Variants in TCF7L1 observed in about 807,000 individuals in gnomAD.
TCF7L1 encodes transcription factor 7 like 1.
A neutral mutation model predicts 63.7 loss-of-function variants in TCF7L1; 18 were observed. The observed-to-expected ratio is 0.28, with a 90% confidence interval of 0.20 to 0.42. The LOEUF is 0.42. Ranked by LOEUF, TCF7L1 falls within the 10% of genes least tolerant of loss-of-function variation. The pLI is 1.00. For missense variants in TCF7L1, 654 were observed against 779.3 expected, an observed-to-expected ratio of 0.84 and a Z score of 1.91; for synonymous variants, 355 against 340.9, an observed-to-expected ratio of 1.04 and a Z score of -0.46.
intron 3 of TCF7L1, chr2:85,205,039 A>T (rs1489413789): frequency 6.6e-6 from 1 of 152,152 alleles, no homozygotes; most frequent in Non-Finnish European, 1.5e-5. Context: ...TTTAAACAAC[A>T]TATTTAGAGA....
intron 3 of TCF7L1, among the ~76,000 whole-genome samples, chr2:85,163,466 G>T (rs886282327): frequency 2.6e-5 from 4 of 152,014 alleles, no homozygotes. Flanking sequence ...CCTCCTGCCC[G>T]ACCAGAAGCA....
intron 5 of TCF7L1, 83 bp downstream of exon 5, chr2:85,302,699 G>T: frequency 6.6e-7 from 1 of 1,507,068 alleles, no homozygotes; most frequent in Non-Finnish European, 8.9e-7. Flanking sequence ...CTTGAATCAG[G>T]CTGACCTGGG....
intron 3 of TCF7L1, among the ~76,000 whole-genome samples, chr2:85,170,429 C>T (rs565899910): frequency 1.3e-5 from 2 of 152,264 alleles, no homozygotes; most frequent in Admixed American, 6.5e-5. Context: ...AATAGCTATG[C>T]TCAGGGTTTG....
intron 3 of TCF7L1, among the ~76,000 whole-genome samples, chr2:85,202,103 C>T (rs1679284819): frequency 6.6e-6 from 1 of 152,090 alleles, no homozygotes; most frequent in Non-Finnish European, 1.5e-5. Context: ...GCTGGGACTA[C>T]AGGCACATGT....
chr2:85,226,999 T>TG (rs1679971303), intron 3 of TCF7L1, among the ~76,000 whole-genome samples: 1 of 152,104 alleles, frequency 6.6e-6, no homozygotes. Flanking sequence ...CCTGTGACCC[T>TG]GCAGGATGGG....
rs1468817674 is a variant in TCF7L1, at chr2:85,309,587, T to TAAC, written c.*130_*132dup. 5.4e-6 allele frequency: 5 copies of TAAC among 930,662 alleles called. No homozygotes were observed. The highest frequency in any genetic ancestry group is 7.5e-6 in the Non-Finnish European group (5 of 663,924). 57.7% of individuals were successfully genotyped at this position (930,662 alleles called of 1,614,324 possible). ...CTGGACTGTTCTGTAAAGTGGCTGG[T>TAAC]AACAACAGCACTTTACAGTTTGTAG... On this transcript the variant is annotated 3_prime_UTR_variant, in exon 12 of 12. Coordinates refer to ENST00000282111, the MANE Select transcript of TCF7L1 (RefSeq NM_031283.3).
At chr2:85,138,510 T>TC (rs374506038) in intron 3 of TCF7L1, among the ~76,000 whole-genome samples, 1 of 152,206 alleles carries the variant, frequency 6.6e-6, no homozygotes, top group Non-Finnish European at 1.5e-5. Context: ...CATTTTTTTT[T>TC]CTAAATATAA....
At chr2:85,203,138 A>C (rs1356075033) in intron 3 of TCF7L1, among the ~76,000 whole-genome samples, 1 of 152,008 alleles carries the variant, frequency 6.6e-6, no homozygotes, top group East Asian at 1.9e-4. Context: ...CCCGCCCAGT[A>C]CCTCCTAACT....
intron 3 of TCF7L1, among the ~76,000 whole-genome samples, chr2:85,172,795 C>T (rs543270565): frequency 1.3e-5 from 2 of 152,230 alleles, no homozygotes; most frequent in East Asian, 1.9e-4. Flanking sequence ...TTAGTTTAAC[C>T]GTCACCTCCT....
intron 3 of TCF7L1, among the ~76,000 whole-genome samples, chr2:85,203,511 A>G (rs151253226): frequency 0.025 from 3,759 of 152,222 alleles, 159 homozygotes; most frequent in African/African-American, 0.085. Context: ...AGGATCACTT[A>G]AGGCCAGGAG....
chr2:85,138,797 A>C (rs774673234), intron 3 of TCF7L1, among the ~76,000 whole-genome samples: 56 of 152,050 alleles, frequency 3.7e-4, no homozygotes, highest in Non-Finnish European at 6.6e-4. Context: ...ATACACACAC[A>C]CCCCCACCCA....
At chr2:85,255,203 T>G (rs1680681232) in intron 3 of TCF7L1, among the ~76,000 whole-genome samples, 1 of 152,154 alleles carries the variant, frequency 6.6e-6, no homozygotes, top group African/African-American at 2.4e-5. Context: ...GATCCTCAGC[T>G]AATGCATGCG....
At chr2:85,302,792 C>T (rs1375464914) in intron 5 of TCF7L1, among the ~76,000 whole-genome samples, 176 bp downstream of exon 5, 2 of 151,934 alleles carry the variant, frequency 1.3e-5, no homozygotes, top group African/African-American at 4.8e-5. Flanking sequence ...TCATCTGTGC[C>T]TCCCCTGTAC....
intron 3 of TCF7L1, among the ~76,000 whole-genome samples, chr2:85,157,036 A>G (rs891883150): frequency 3.9e-5 from 6 of 152,260 alleles, no homozygotes; most frequent in African/African-American, 1.4e-4. Flanking sequence ...CCAAATGTCC[A>G]TAGCCGAGGC....
intron 3 of TCF7L1, among the ~76,000 whole-genome samples, chr2:85,174,764 C>A (rs1437747202): frequency 6.6e-6 from 1 of 152,224 alleles, no homozygotes; most frequent in East Asian, 1.9e-4. Context: ...CAACTGGTTT[C>A]TTCGCAGTCT....
intron 3 of TCF7L1, among the ~76,000 whole-genome samples, chr2:85,276,627 A>G (rs1428514003): frequency 6.6e-6 from 1 of 152,124 alleles, no homozygotes; most frequent in African/African-American, 2.4e-5. Context: ...AACACCAGTC[A>G]CATCTCTCCC....
At chr2:85,214,802 A>G (rs1164175679) in intron 3 of TCF7L1, among the ~76,000 whole-genome samples, 1 of 152,206 alleles carries the variant, frequency 6.6e-6, no homozygotes, top group Non-Finnish European at 1.5e-5. Flanking sequence ...TATATATGCT[A>G]TATCTCAGTG....
chr2:85,151,069 T>C lies in TCF7L1; in HGVS notation c.441+16619T>C, dbSNP rs141363522. Among the ~76,000 whole-genome samples, 67 of 152,312 alleles carry C rather than the reference T, an allele frequency of 4.4e-4. 2 individuals are homozygous for C. The highest frequency in any genetic ancestry group is 1.6e-3 in the African/African-American group (66 of 41,582). On this transcript the variant is annotated intron_variant, in intron 3 of 11. Coordinates refer to ENST00000282111, the MANE Select transcript of TCF7L1 (RefSeq NM_031283.3). ...CTTGGGGTCTCTCATTTTTAAAAAA[T>C]AACAGGTTTATTTTCTCTGAAGCTT... is the stretch of plus-strand genomic sequence containing the variant.
intron 3 of TCF7L1, among the ~76,000 whole-genome samples, chr2:85,246,200 G>A (rs1238604275): frequency 1.3e-5 from 2 of 152,226 alleles, no homozygotes; most frequent in African/African-American, 2.4e-5. Context: ...GTTGGGTGTA[G>A]TTTCCACTTG....
Sources: gnomAD v4.1 joint callset for allele counts (sites outside exome capture counted in the v4.1 genomes callset) on GRCh38, gnomAD v4.1.1 for gene constraint, MANE v1.5 for transcripts, NCBI Gene and HGNC (gene_info 2026-07-23, HGNC 2026-07-21) for gene names.